Variants in FXR1 observed in about 807,000 individuals in gnomAD.
FXR1 encodes the protein FMR1 autosomal homolog 1.
In FXR1, 15 loss-of-function variants were observed where a neutral mutation model predicts 84.0. The ratio of observed to expected loss-of-function variants is 0.18; its 90% CI spans 0.12 to 0.27. The LOEUF is 0.27. Among genes scored for constraint, FXR1 ranks in the 10% least tolerant of loss-of-function variants. The probability of loss-of-function intolerance (pLI) is 1.00; values close to 1 mark genes in which losing one functional copy is unlikely to be tolerated. For synonymous variants in FXR1, 245 were observed against 250.7 expected, an observed-to-expected ratio of 0.98 and a Z score of 0.21; for missense variants, 480 against 774.4, an observed-to-expected ratio of 0.62 and a Z score of 4.51.
At chr3:180,929,280 A>T (rs1356301349) in intron 1 of FXR1, among the ~76,000 whole-genome samples, 1 of 151,324 alleles carries the variant, frequency 6.6e-6, no homozygotes, top group East Asian at 1.9e-4. Context: ...ATTTTAAGAT[A>T]TTTTTTTTTC....
chr3:180,954,872 A>ATT (rs11328945), intron 9 of FXR1, among the ~76,000 whole-genome samples: 3,883 of 114,424 alleles, frequency 0.034, 162 homozygotes, highest in African/African-American at 0.11. Flanking sequence ...TTCTAAAAAG[A>ATT]TTTTTTTTTT....
intron 10 of FXR1, 107 bp downstream of exon 10, chr3:180,958,035 T>C: frequency 2.2e-6 from 1 of 464,162 alleles, no homozygotes; most frequent in Non-Finnish European, 3.9e-6. Flanking sequence ...GTTTTTCTTC[T>C]TTTTAAAATT....
intron 15 of FXR1, among the ~76,000 whole-genome samples, chr3:180,973,676 C>G (rs1182802779): frequency 1.3e-5 from 2 of 152,150 alleles, no homozygotes. Context: ...GATGAGCGTA[C>G]TGTTTCTTAC....
chr3:180,920,943 A>G (rs1246532575), intron 1 of FXR1, among the ~76,000 whole-genome samples: 1 of 152,244 alleles, frequency 6.6e-6, no homozygotes, highest in Non-Finnish European at 1.5e-5. Flanking sequence ...AGTAGTAGAC[A>G]CTTGTGTATT....
chr3:180,952,862 C>T (rs1247382423), intron 8 of FXR1, among the ~76,000 whole-genome samples: 10 of 131,174 alleles, frequency 7.6e-5, no homozygotes, highest in Admixed American at 6.7e-4. Flanking sequence ...GAGACAGGGT[C>T]TACTCTGTTG....
rs547891713 is a variant in FXR1, at chr3:180,960,616, C to T, written c.991-852C>T. Among the ~76,000 whole-genome samples, 14 of 152,116 alleles carry T rather than the reference C, an allele frequency of 9.2e-5. No homozygotes were observed. In the East Asian group the frequency reaches 2.7e-3, roughly 30 times the overall value. ...AAGTAGCTGGGACTACAGGCATGTGCTACCCTGCCAGCTAATTTTTGTATA... is the reference window on the plus strand; with the variant it reads ...AAGTAGCTGGGACTACAGGCATGTGTTACCCTGCCAGCTAATTTTTGTATA... On this transcript the variant is annotated intron_variant, in intron 10 of 16. Coordinates refer to ENST00000357559, the MANE Select transcript of FXR1 (RefSeq NM_005087.4).
intron 3 of FXR1, among the ~76,000 whole-genome samples, chr3:180,942,586 TC>T (rs1445391577): frequency 1.3e-5 from 2 of 152,104 alleles, no homozygotes; most frequent in South Asian, 2.1e-4. Context: ...ATTTGATTCT[TC>T]CTATTTATTT....
intron 1 of FXR1, 32 bp from the exon 2 acceptor site, chr3:180,933,302 C>T (rs371446978): frequency 1.7e-5 from 22 of 1,317,428 alleles, no homozygotes; most frequent in Non-Finnish European, 2.3e-5. Flanking sequence ...GCTTTAATAT[C>T]TATGCTTTTA....
chr3:180,950,668 A>G (rs1327250709), intron 7 of FXR1, among the ~76,000 whole-genome samples: 4 of 152,162 alleles, frequency 2.6e-5, no homozygotes, highest in Non-Finnish European at 4.4e-5. Context: ...CCTGACAACC[A>G]TCATTCTATT....
rs1365874949 is a variant in FXR1 at position 180,978,290 on chromosome 3, T to C, written c.*1998T>C. ...CAATGGGAATGGAAGAAACAAAATC[T>C]TAAAAGAGTGAGTATAGCTGAACCA... On this transcript the variant is annotated 3_prime_UTR_variant, in exon 17 of 17. Transcript: ENST00000357559. 1 of 146,344 alleles carries C rather than the reference T, an allele frequency of 6.8e-6. No homozygotes were observed. The allele number at this position is 146,344 out of a possible 1,614,324, so 9.1% of individuals were successfully genotyped here.
intron 1 of FXR1, among the ~76,000 whole-genome samples, chr3:180,928,687 A>T (rs1460686943): frequency 1.3e-5 from 2 of 151,854 alleles, no homozygotes; most frequent in African/African-American, 4.8e-5. Flanking sequence ...TGTAAGTAGA[A>T]TTTTTTTGTA....
chr3:180,957,152 T>C (rs1301579241), intron 9 of FXR1, among the ~76,000 whole-genome samples: 3 of 152,084 alleles, frequency 2.0e-5, no homozygotes, highest in East Asian at 3.8e-4. Flanking sequence ...ATTAATATAC[T>C]CAATAACTGC....
At chr3:180,964,589 TGGG>T (rs1712556896) in intron 13 of FXR1, among the ~76,000 whole-genome samples, 1 of 151,396 alleles carries the variant, frequency 6.6e-6, no homozygotes, top group South Asian at 2.1e-4. Flanking sequence ...TGAACCTGAG[TGGG>T]CTTGGAAAAG....
chr3:180,939,410 C>T (rs1720883862), intron 3 of FXR1, among the ~76,000 whole-genome samples: 2 of 152,040 alleles, frequency 1.3e-5, no homozygotes, highest in Admixed American at 1.3e-4. Flanking sequence ...TTCAATCATA[C>T]TTAGAGATGG....
intron 1 of FXR1, among the ~76,000 whole-genome samples, chr3:180,921,372 TA>T (rs71182558): frequency 4.1e-3 from 531 of 130,980 alleles, no homozygotes; most frequent in African/African-American, 5.9e-3. Context: ...AAACTCCATC[TA>T]AAAAAAAAAA....
chr3:180,915,265 C>T (rs537552640), intron 1 of FXR1, among the ~76,000 whole-genome samples: 93 of 152,206 alleles, frequency 6.1e-4, no homozygotes, highest in African/African-American at 2.1e-3. Context: ...TCAAGATTAA[C>T]TGTCACTTTA....
chr3:180,924,184 A>G (rs1371428735), intron 1 of FXR1, among the ~76,000 whole-genome samples: 1 of 152,114 alleles, frequency 6.6e-6, no homozygotes, highest in Non-Finnish European at 1.5e-5. Flanking sequence ...TCCTGACCTC[A>G]GGTGATCTGC....
At chr3:180,944,357 G>A (rs1053258084) in intron 3 of FXR1, among the ~76,000 whole-genome samples, 2 of 150,438 alleles carry the variant, frequency 1.3e-5, no homozygotes, top group Non-Finnish European at 2.9e-5. Context: ...GTCTCGCTCT[G>A]TCACCCAGTT....
At chr3:180,970,053 G>T in intron 14 of FXR1, 105 bp from the exon 15 acceptor site, 1 of 551,898 alleles carries the variant, frequency 1.8e-6, no homozygotes. Flanking sequence ...ATTTTTATTG[G>T]GGGAGACTGA....
Sources: allele counts gnomAD v4.1 joint callset (sites outside exome capture counted in the v4.1 genomes callset), GRCh38; gene constraint gnomAD v4.1.1; transcripts MANE v1.5; gene names NCBI Gene and HGNC (gene_info 2026-07-23, HGNC 2026-07-21).